CACHD1: variants seen among roughly 807,000 people sequenced by gnomAD.
CACHD1 encodes the protein VWFA and cache domain-containing protein 1.
Under a neutral mutation model 138.7 loss-of-function variants are expected in CACHD1, and 71 were observed. The observed-to-expected ratio is 0.51, with a 90% CI of 0.42 to 0.62. CACHD1 has a LOEUF of 0.62. Among genes scored for constraint, CACHD1 ranks in the 20% least tolerant of loss-of-function variants. The pLI is 0.00. For synonymous variants in CACHD1, 578 were observed against 591.5 expected (o/e 0.98, Z 0.33); for missense variants, 1,389 against 1,625.3 (o/e 0.85, Z 2.50).
intron 26 of CACHD1, among the ~76,000 whole-genome samples, chr1:64,685,992 A>G (rs148978251): frequency 1.3e-5 from 2 of 152,334 alleles, no homozygotes; most frequent in East Asian, 3.9e-4. Flanking sequence ...GGAGGAAGCT[A>G]TAAATGAATG....
rs150038220 is a variant in CACHD1, at chr1:64,569,531, T to C, written c.262-12625T>C. 5.3e-4 allele frequency among the ~76,000 whole-genome samples: 81 copies of C among 152,180 alleles called. 1 individual carries two copies. Among genetic ancestry groups the C allele is most frequent in the Non-Finnish European group, 1.1e-3 (73 of 67,996 alleles). ...ACTGGTACTGCTTCTTTAGGGGGAA[T>C]GGGTGTTGCAGGCAGGCCCAGCTGG... On this transcript the variant is annotated intron_variant, in intron 2 of 26. Coordinates refer to ENST00000651257, the MANE Select transcript of CACHD1 (RefSeq NM_020925.4).
intron 4 of CACHD1, among the ~76,000 whole-genome samples, chr1:64,616,268 G>T (rs1334592225): frequency 3.3e-5 from 5 of 152,104 alleles, no homozygotes; most frequent in Non-Finnish European, 5.9e-5. Context: ...CTCCTTCCTG[G>T]CTCTCCCTCG....
chr1:64,658,835 C>T lies in CACHD1; in HGVS notation c.1913C>T (p.Pro638Leu). Reference protein sequence around the residue: ...LYHRLDLLGQPSACLHFKQLA... With the variant: ...LYHRLDLLGQLSACLHFKQLA... ...CACCGGCTGGATCTCCTTGGCCAGCCCAGTGCTTGCCTCCACTTCAAACAG... is the reference window on the plus strand; with the variant it reads ...CACCGGCTGGATCTCCTTGGCCAGCTCAGTGCTTGCCTCCACTTCAAACAG... The change falls in exon 13 of 27, where the codon CCC becomes CTC. Residue 638 changes from proline to leucine, a missense_variant. Physicochemically the swap from Pro to Leu is moderately conservative, Grantham distance 98. Around this residue, in one of 5 missense-constraint regions of CACHD1, gnomAD observed 1,000 missense variants for 1,114.7 expected, o/e 0.90. Coordinates refer to ENST00000651257, the MANE Select transcript of CACHD1 (RefSeq NM_020925.4). 1.3e-6 allele frequency: 2 copies of T among 1,583,746 alleles called. No homozygotes were observed. The highest frequency in any genetic ancestry group is 8.6e-7 in the Non-Finnish European group (1 of 1,162,110).
chr1:64,641,811 T>C lies in CACHD1; in HGVS notation c.1007-9T>C. On this transcript the variant is annotated splice_polypyrimidine_tract_variant and intron_variant, in intron 7 of 26. Coordinates refer to ENST00000651257, the MANE Select transcript of CACHD1 (RefSeq NM_020925.4). ...AAAGAGAGCATTCAATTGATGTGTT[T>C]TTGTTTAGATACAGACATGGTCATC... 1 of 1,547,080 alleles carries C rather than the reference T, an allele frequency of 6.5e-7. No homozygotes were observed. Among genetic ancestry groups the C allele is most frequent in the Non-Finnish European group, 8.7e-7 (1 of 1,154,652 alleles).
intron 24 of CACHD1, among the ~76,000 whole-genome samples, chr1:64,680,214 C>T (rs1369058409): frequency 1.3e-5 from 2 of 152,158 alleles, no homozygotes; most frequent in African/African-American, 2.4e-5. Flanking sequence ...GTCGGCCAAT[C>T]GCGGTGGCTC....
intron 1 of CACHD1, among the ~76,000 whole-genome samples, chr1:64,517,700 A>C (rs1319478936): frequency 6.6e-6 from 1 of 152,154 alleles, no homozygotes; most frequent in Non-Finnish European, 1.5e-5. Flanking sequence ...GAGCTGAGGA[A>C]TGACGTGATT....
chr1:64,514,121 C>T (rs893012872), intron 1 of CACHD1, among the ~76,000 whole-genome samples: 11 of 152,138 alleles, frequency 7.2e-5, no homozygotes, highest in African/African-American at 2.7e-4. Flanking sequence ...TCTGTTTGAA[C>T]CTTAGCTATC....
At chr1:64,502,237 T>A (rs1006455492) in intron 1 of CACHD1, among the ~76,000 whole-genome samples, 1 of 152,232 alleles carries the variant, frequency 6.6e-6, no homozygotes, top group African/African-American at 2.4e-5. Flanking sequence ...AATGTACACT[T>A]CATAGCTGTC....
chr1:64,505,903 C>T (rs926694370), intron 1 of CACHD1: 1 of 78,192 alleles, frequency 1.3e-5, no homozygotes, highest in Non-Finnish European at 3.2e-5. Context: ...CCCCGGCCGC[C>T]CGCTTGTCTC....
intron 16 of CACHD1, among the ~76,000 whole-genome samples, chr1:64,669,278 G>A (rs1410466301): frequency 6.6e-6 from 1 of 152,120 alleles, no homozygotes; most frequent in Non-Finnish European, 1.5e-5. Flanking sequence ...GCTTAGTACT[G>A]TACTTAAGAG....
chr1:64,575,889 A>C (rs1646963267), intron 2 of CACHD1, among the ~76,000 whole-genome samples: 1 of 152,246 alleles, frequency 6.6e-6, no homozygotes, highest in Non-Finnish European at 1.5e-5. Flanking sequence ...CTTTTAAAAA[A>C]GGGCTCTGGG....
At chr1:64,659,908 C>G (rs1197505753) in intron 13 of CACHD1, among the ~76,000 whole-genome samples, 3 of 152,156 alleles carry the variant, frequency 2.0e-5, no homozygotes, top group African/African-American at 7.2e-5. Flanking sequence ...GTTTGTGTTC[C>G]TCTCTTAAAT....
intron 2 of CACHD1, among the ~76,000 whole-genome samples, chr1:64,554,750 G>A (rs1646783917): frequency 6.6e-6 from 1 of 152,132 alleles, no homozygotes. Flanking sequence ...GATCAGTGCT[G>A]TCCAAAGAGA....
intron 1 of CACHD1, among the ~76,000 whole-genome samples, chr1:64,541,394 CCTT>C (rs1195427551): frequency 2.6e-5 from 4 of 151,982 alleles, no homozygotes; most frequent in African/African-American, 9.7e-5. Context: ...GATTTTTTTC[CCTT>C]CTTTATATAT....
At chr1:64,552,759 A>G (rs755314200) in intron 2 of CACHD1, among the ~76,000 whole-genome samples, 2 of 152,202 alleles carry the variant, frequency 1.3e-5, no homozygotes, top group Non-Finnish European at 2.9e-5. Context: ...GATTACAGGC[A>G]TGGGCCACTG....
chr1:64,654,193 T>C (rs1649192359), intron 11 of CACHD1, among the ~76,000 whole-genome samples: 1 of 152,140 alleles, frequency 6.6e-6, no homozygotes, highest in Admixed American at 6.5e-5. Flanking sequence ...TGATACCAAA[T>C]TGAAAAATGT....
chr1:64,617,509 A>G (rs998440592), intron 4 of CACHD1, among the ~76,000 whole-genome samples: 3 of 152,310 alleles, frequency 2.0e-5, no homozygotes, highest in Non-Finnish European at 2.9e-5. Context: ...CCTAAAATGG[A>G]CACAAAGAGC....
intron 8 of CACHD1, among the ~76,000 whole-genome samples, chr1:64,643,581 A>G (rs1410787107): frequency 2.0e-5 from 3 of 152,232 alleles, no homozygotes; most frequent in Admixed American, 6.5e-5. Context: ...TCATGCCTGT[A>G]ATCCCAGCAC....
At chr1:64,477,914 G>A (rs958165673) in intron 1 of CACHD1, among the ~76,000 whole-genome samples, 9 of 151,878 alleles carry the variant, frequency 5.9e-5, no homozygotes, top group East Asian at 1.9e-4. Context: ...GATTACAGGC[G>A]TGAGCCACCG....
Sources: gnomAD v4.1 joint callset for allele counts (sites outside exome capture counted in the v4.1 genomes callset) on GRCh38, gnomAD v4.1.1 for gene constraint, gnomAD v4.1.1 regional missense constraint, MANE v1.5 for transcripts, NCBI Gene and HGNC (gene_info 2026-07-23, HGNC 2026-07-21) for gene names.